The following KDM4C variants were observed in gnomAD, a reference collection of about 807,000 sequenced individuals.
KDM4C encodes the protein lysine-specific demethylase 4C.
KDM4C carries 81 observed loss-of-function variants against 129.3 expected under a neutral mutation model. The ratio of observed to expected loss-of-function variants is 0.63; its 90% CI spans 0.52 to 0.75. KDM4C has a LOEUF of 0.75. Among genes scored for constraint, KDM4C ranks in the 30% least tolerant of loss-of-function variants. The pLI, the probability that KDM4C is intolerant of heterozygous loss-of-function variation, is 0.00. For missense variants in KDM4C, 1,457 were observed against 1,304.0 expected (o/e 1.12, Z -1.81); for synonymous variants, 573 against 456.1 (o/e 1.26, Z -3.26).
chr9:7,093,082 C>G (rs534301232), intron 17 of KDM4C, among the ~76,000 whole-genome samples: 4 of 152,066 alleles, frequency 2.6e-5, no homozygotes, highest in Non-Finnish European at 5.9e-5. Context: ...AGTCAGTCAT[C>G]CAATTTTTCA....
intron 18 of KDM4C, among the ~76,000 whole-genome samples, chr9:7,108,407 T>A (rs984670822): frequency 6.6e-6 from 1 of 152,212 alleles, no homozygotes; most frequent in East Asian, 1.9e-4. Context: ...CTGCTAATTT[T>A]TGTATTATTT....
chr9:6,806,878 G>GTCTCCCTCTCCCTCTCCC (rs763666519), intron 3 of KDM4C, among the ~76,000 whole-genome samples: 179 of 139,444 alleles, frequency 1.3e-3, no homozygotes, highest in African/African-American at 5.1e-3. Context: ...CTCCGTCTCC[G>GTCTCCCTCTCCCTCTCCC]TCTCCCTCTC....
intron 1 of KDM4C, among the ~76,000 whole-genome samples, chr9:6,779,426 G>A (rs1296470595): frequency 1.3e-5 from 2 of 152,148 alleles, no homozygotes; most frequent in African/African-American, 4.8e-5. Flanking sequence ...GAAGTAGCTT[G>A]GGTCTGAAGA....
intron 8 of KDM4C, among the ~76,000 whole-genome samples, chr9:6,898,257 A>G (rs1346490975): frequency 2.0e-4 from 30 of 152,214 alleles, no homozygotes; most frequent in Admixed American, 1.9e-3. Context: ...CTCAAGCACT[A>G]TGATTGTCTC....
At chr9:6,967,509 T>C (rs186575991) in intron 8 of KDM4C, among the ~76,000 whole-genome samples, 607 of 151,830 alleles carry the variant, frequency 4.0e-3, no homozygotes, top group South Asian at 9.6e-3. Flanking sequence ...TGCACATGAA[T>C]GTACAGTTGT....
chr9:6,885,121 T>C (rs1053073661), intron 6 of KDM4C, among the ~76,000 whole-genome samples: 3 of 152,220 alleles, frequency 2.0e-5, no homozygotes, highest in African/African-American at 7.2e-5. Flanking sequence ...GCCACTGTTA[T>C]CAACATGTAA....
At chr9:6,943,766 A>G (rs576931172) in intron 8 of KDM4C, among the ~76,000 whole-genome samples, 3 of 152,294 alleles carry the variant, frequency 2.0e-5, no homozygotes, top group African/African-American at 7.2e-5. Context: ...CATTGTGTAG[A>G]AGTGGGAATG....
At chr9:6,802,174 T>G (rs1260511371) in intron 2 of KDM4C, among the ~76,000 whole-genome samples, 2 of 152,128 alleles carry the variant, frequency 1.3e-5, no homozygotes, top group Non-Finnish European at 1.5e-5. Context: ...CTTCATTTAT[T>G]CGGAAAATAC....
At chr9:6,740,234 T>A (rs575587834) in intron 1 of KDM4C, among the ~76,000 whole-genome samples, 1 of 151,090 alleles carries the variant, frequency 6.6e-6, no homozygotes, top group South Asian at 2.1e-4. Context: ...GACAGAGTCT[T>A]GCTCTGTTGC....
intron 8 of KDM4C, among the ~76,000 whole-genome samples, chr9:6,951,055 TGAC>T (rs978533650): frequency 3.3e-5 from 5 of 152,176 alleles, no homozygotes; most frequent in African/African-American, 1.2e-4. Flanking sequence ...TTTTTTAACT[TGAC>T]AATAATTGTA....
intron 8 of KDM4C, among the ~76,000 whole-genome samples, chr9:6,941,181 G>T (rs1027768162): frequency 1.3e-5 from 2 of 151,996 alleles, no homozygotes; most frequent in Non-Finnish European, 2.9e-5. Context: ...GCTAATTTTT[G>T]TATTTGTGGC....
At position 6,871,070 on chromosome 9, in the gene KDM4C, C is replaced by A. The variant is rs571344305; in HGVS notation, c.630-8942C>A. Among the ~76,000 whole-genome samples, 6 of 152,304 alleles carry A rather than the reference C, an allele frequency of 3.9e-5. No individual in the cohort carries two copies. In the South Asian group the frequency reaches 1.2e-3, roughly 32 times the overall value. Reference sequence around the variant, plus strand: ...AACAGAAACCATTTGTTCCTAAACACACAGCCCCAGGGCTCCCAAAAAACA... The same window carrying A: ...AACAGAAACCATTTGTTCCTAAACAAACAGCCCCAGGGCTCCCAAAAAACA... On this transcript the variant is annotated intron_variant, in intron 5 of 21. Transcript: ENST00000381309.
chr9:6,827,238 C>G (rs1834038705), intron 4 of KDM4C, among the ~76,000 whole-genome samples: 1 of 152,202 alleles, frequency 6.6e-6, no homozygotes, highest in Non-Finnish European at 1.5e-5. Flanking sequence ...GTGTTTTTCT[C>G]AGAGTCTTCA....
chr9:7,141,801 T>C (rs553747464), intron 19 of KDM4C, among the ~76,000 whole-genome samples: 1 of 152,190 alleles, frequency 6.6e-6, no homozygotes, highest in African/African-American at 2.4e-5. Flanking sequence ...TATTAGGTTT[T>C]TTTTTTTTCT....
At chr9:7,053,955 C>T (rs769823424) in intron 17 of KDM4C, among the ~76,000 whole-genome samples, 4 of 152,212 alleles carry the variant, frequency 2.6e-5, no homozygotes, top group Non-Finnish European at 5.9e-5. Context: ...CTGTCAGCTT[C>T]AGCATTCTTC....
intron 6 of KDM4C, among the ~76,000 whole-genome samples, chr9:6,883,451 A>G (rs1317581939): frequency 6.6e-6 from 1 of 152,196 alleles, no homozygotes; most frequent in Non-Finnish European, 1.5e-5. Flanking sequence ...GCTGGATTTC[A>G]CTAAGAGTGA....
At chr9:6,975,641 A>G (rs1024665830) in intron 8 of KDM4C, among the ~76,000 whole-genome samples, 2 of 152,212 alleles carry the variant, frequency 1.3e-5, no homozygotes, top group South Asian at 2.1e-4. Context: ...ATACTTCTCT[A>G]TAAGACAGAC....
intron 19 of KDM4C, among the ~76,000 whole-genome samples, chr9:7,144,730 G>T (rs1842063397): frequency 6.6e-6 from 1 of 152,262 alleles, no homozygotes; most frequent in Non-Finnish European, 1.5e-5. Context: ...TACATGCTCA[G>T]TCAGCTTGGG....
intron 8 of KDM4C, among the ~76,000 whole-genome samples, chr9:6,932,195 G>T (rs867986250): frequency 3.0e-4 from 45 of 152,214 alleles, no homozygotes; most frequent in Admixed American, 2.6e-4. Context: ...TCCAACAGGT[G>T]TGTAGCTCCA....
Sources: gnomAD v4.1 joint callset for allele counts (sites outside exome capture counted in the v4.1 genomes callset) on GRCh38, gnomAD v4.1.1 for gene constraint, MANE v1.5 for transcripts, NCBI Gene and HGNC (gene_info 2026-07-23, HGNC 2026-07-21) for gene names.